The following PTPRT variants were observed in gnomAD, a reference collection of about 807,000 sequenced individuals.
PTPRT encodes receptor-type tyrosine-protein phosphatase T.
Under a neutral mutation model 176.8 loss-of-function variants are expected in PTPRT, and 56 were observed. The ratio of observed to expected loss-of-function variants is 0.32; its 90% CI spans 0.26 to 0.40. The LOEUF (loss-of-function observed/expected upper bound fraction) is 0.40, where lower values mean the gene tolerates loss of function less well. PTPRT is among the 10% of genes least tolerant of loss of function. The pLI is 1.00. For synonymous variants in PTPRT, 783 were observed against 739.0 expected, an observed-to-expected ratio of 1.06 and a Z score of -0.96; for missense variants, 1,540 against 1,908.2, an observed-to-expected ratio of 0.81 and a Z score of 3.60.
At chr20:42,512,950 C>G (rs1382524711) in intron 7 of PTPRT, among the ~76,000 whole-genome samples, 2 of 152,104 alleles carry the variant, frequency 1.3e-5, no homozygotes, top group Non-Finnish European at 2.9e-5. Flanking sequence ...ACCTCCGCCT[C>G]CTGGGTTCAA....
chr20:42,340,002 A>G (rs2058090154), intron 11 of PTPRT, among the ~76,000 whole-genome samples: 1 of 152,154 alleles, frequency 6.6e-6, no homozygotes, highest in Non-Finnish European at 1.5e-5. Context: ...CTCTGAAACC[A>G]AACATGGGCC....
chr20:43,101,738 A>G (rs1349015948), intron 1 of PTPRT, among the ~76,000 whole-genome samples: 2 of 152,180 alleles, frequency 1.3e-5, no homozygotes, highest in African/African-American at 4.8e-5. Flanking sequence ...TGATTATTCC[A>G]TTCAGCTGCT....
intron 11 of PTPRT, among the ~76,000 whole-genome samples, chr20:42,332,538 A>G (rs1034206549): frequency 1.3e-5 from 2 of 152,078 alleles, no homozygotes; most frequent in Admixed American, 6.6e-5. Flanking sequence ...GATTGCTTGA[A>G]CTGAATGCTA....
intron 6 of PTPRT, chr20:42,686,460 T>C (rs1215543610): frequency 2.8e-4 from 1 of 3,576 alleles, no homozygotes; most frequent in South Asian, 6.5e-3. Flanking sequence ...GTGCACTCTT[T>C]TTTTTTTTTT....
chr20:42,645,470 C>T (rs1282403788), intron 7 of PTPRT, among the ~76,000 whole-genome samples: 3 of 152,102 alleles, frequency 2.0e-5, no homozygotes, highest in Admixed American at 1.3e-4. Flanking sequence ...GTCTTTATTC[C>T]CTTCCCTGAG....
At chr20:42,524,533 A>G (rs369713426) in intron 7 of PTPRT, among the ~76,000 whole-genome samples, 12 of 152,200 alleles carry the variant, frequency 7.9e-5, no homozygotes, top group African/African-American at 2.9e-4. Flanking sequence ...AGTGATCTGT[A>G]TACATTTTCA....
chr20:42,888,120 A>T (rs1464913280), intron 1 of PTPRT, among the ~76,000 whole-genome samples: 2 of 152,216 alleles, frequency 1.3e-5, no homozygotes, highest in Admixed American at 1.3e-4. Flanking sequence ...ATTTTGTTAT[A>T]ACAGCCGAAA....
intron 23 of PTPRT, among the ~76,000 whole-genome samples, chr20:42,108,362 TA>T (rs1216428479): frequency 1.3e-5 from 2 of 152,222 alleles, no homozygotes; most frequent in Non-Finnish European, 2.9e-5. Flanking sequence ...GCAAATGACT[TA>T]ACCTCTCTGG....
At chr20:42,623,417 C>A (rs976885446) in intron 7 of PTPRT, among the ~76,000 whole-genome samples, 3 of 152,338 alleles carry the variant, frequency 2.0e-5, no homozygotes, top group African/African-American at 4.8e-5. Context: ...GAGAGGCATA[C>A]CCCTGTCACA....
intron 7 of PTPRT, among the ~76,000 whole-genome samples, chr20:42,560,392 C>T (rs917905793): frequency 2.6e-5 from 4 of 152,122 alleles, no homozygotes; most frequent in Admixed American, 6.6e-5. Flanking sequence ...TATTTGAGGC[C>T]AAACAACTGT....
At chr20:42,116,179 G>T (rs1987274383) in intron 21 of PTPRT, 1 of 699,324 alleles carries the variant, frequency 1.4e-6, no homozygotes, top group Admixed American at 2.1e-5. Flanking sequence ...GGGAAATGCT[G>T]TATTACACAG....
intron 11 of PTPRT, among the ~76,000 whole-genome samples, chr20:42,343,403 C>G (rs1166861513): frequency 6.6e-6 from 1 of 152,186 alleles, no homozygotes. Flanking sequence ...CACCCTGCCC[C>G]TTGGAGAAGT....
intron 1 of PTPRT, among the ~76,000 whole-genome samples, chr20:43,066,716 G>C (rs987937683): frequency 2.0e-5 from 3 of 152,196 alleles, no homozygotes; most frequent in Admixed American, 1.3e-4. Context: ...GGTAGGGAAG[G>C]TGGCACCATC....
At chr20:42,393,041 A>G (rs2058815859) in intron 9 of PTPRT, among the ~76,000 whole-genome samples, 1 of 152,212 alleles carries the variant, frequency 6.6e-6, no homozygotes, top group Non-Finnish European at 1.5e-5. Flanking sequence ...TAATGGTGAT[A>G]AACTGAAGGG....
At position 42,508,363 on chromosome 20, in the gene PTPRT, G is replaced by A. The variant is rs576802770; in HGVS notation, c.1154-35801C>T. On this transcript the variant is annotated intron_variant, in intron 7 of 30. Transcript: ENST00000373187. ...GTTGGGAGAGAGCCCTGGCTTCAGG[G>A]CCAACCAAAGGTGGGGTCTGAATCC... 3.9e-5 allele frequency among the ~76,000 whole-genome samples: 6 copies of A among 152,210 alleles called. No homozygotes were observed. In the East Asian group the frequency reaches 1.2e-3, roughly 29 times the overall value.
At chr20:43,077,651 T>TA (rs1395781690) in intron 1 of PTPRT, among the ~76,000 whole-genome samples, 14 of 152,194 alleles carry the variant, frequency 9.2e-5, no homozygotes, top group African/African-American at 3.4e-4. Context: ...GCTCATAATC[T>TA]AAAAACACAC....
chr20:42,490,142 G>C (rs1376208549), intron 7 of PTPRT, among the ~76,000 whole-genome samples: 1 of 152,106 alleles, frequency 6.6e-6, no homozygotes, highest in Non-Finnish European at 1.5e-5. Context: ...TGGCTTAATA[G>C]TATATTTTAT....
chr20:42,118,444 C>A lies in PTPRT; in HGVS notation c.2941G>T (p.Ala981Ser), dbSNP rs762809890. 4 of 1,613,042 alleles carry A rather than the reference C, an allele frequency of 2.5e-6. No individual in the cohort carries two copies. Among genetic ancestry groups the A allele is most frequent in the Middle Eastern group, 1.7e-4 (1 of 6,060 alleles). ...FWRMIWQENS[A>S]SIVMVTNLVE... ...AGGTTTGTGACCATGACGATGCTGG[C>A]GGAGTTCTCCTGCCAGATCATTCTC... Residue 981 changes from alanine to serine, a missense_variant, in exon 21 of 31, where the codon GCC becomes TCC. Physicochemically the swap from Ala to Ser is moderately conservative, Grantham distance 99. Around this residue, in one of 11 missense-constraint regions of PTPRT, gnomAD observed 248 missense variants for 356.7 expected, o/e 0.70. Transcript: ENST00000373187.
chr20:42,485,326 A>C (rs1156654832), intron 7 of PTPRT, among the ~76,000 whole-genome samples: 1 of 152,150 alleles, frequency 6.6e-6, no homozygotes, highest in Non-Finnish European at 1.5e-5. Flanking sequence ...GAAAAGAAGA[A>C]AAGCTGGAGA....
Sources: gnomAD v4.1 joint callset for allele counts (sites outside exome capture counted in the v4.1 genomes callset) on GRCh38, gnomAD v4.1.1 for gene constraint, gnomAD v4.1.1 regional missense constraint, MANE v1.5 for transcripts, NCBI Gene and HGNC (gene_info 2026-07-23, HGNC 2026-07-21) for gene names.